Variants in CEMIP observed in about 807,000 individuals in gnomAD.
The protein encoded by CEMIP is cell migration inducing hyaluronidase 1, also known as cell migration-inducing and hyaluronan-binding protein.
In CEMIP, 105 loss-of-function variants were observed where a neutral mutation model predicts 156.9. The observed-to-expected ratio is 0.67, with a 90% CI of 0.57 to 0.79. The LOEUF (loss-of-function observed/expected upper bound fraction) is 0.79. Among genes scored for constraint, CEMIP ranks in the 30% least tolerant of loss-of-function variants. The pLI, the probability that CEMIP is intolerant of heterozygous loss-of-function variation, is 0.00. For synonymous variants in CEMIP, 676 were observed against 668.4 expected, an observed-to-expected ratio of 1.01 and a Z score of -0.17; for missense variants, 1,457 against 1,769.4, an observed-to-expected ratio of 0.82 and a Z score of 3.17.
intron 1 of CEMIP, among the ~76,000 whole-genome samples, chr15:80,825,719 T>A (rs1016561026): frequency 6.6e-6 from 1 of 152,208 alleles, no homozygotes; most frequent in African/African-American, 2.4e-5. Flanking sequence ...TGGATTTGCA[T>A]CTGGCCAGAT....
intron 14 of CEMIP, among the ~76,000 whole-genome samples, chr15:80,911,762 C>T (rs1272807717): frequency 6.6e-6 from 1 of 152,222 alleles, no homozygotes; most frequent in Admixed American, 6.5e-5. Flanking sequence ...GTGCTGAGCC[C>T]AGGTCTTAGC....
At chr15:80,935,087 C>T (rs1901067481) in intron 23 of CEMIP, among the ~76,000 whole-genome samples, 1 of 152,136 alleles carries the variant, frequency 6.6e-6, no homozygotes, top group African/African-American at 2.4e-5. Context: ...TGCTCAAGAG[C>T]CCTGGGAGAG....
At chr15:80,900,638 G>GTGTGTGTCTGTGTGTC (rs1596172807) in intron 12 of CEMIP, among the ~76,000 whole-genome samples, 258 of 101,860 alleles carry the variant, frequency 2.5e-3, no homozygotes, top group Middle Eastern at 5.8e-3. Flanking sequence ...GTGTGTGTGT[G>GTGTGTGTCTGTGTGTC]TGTGTGTGTG....
chr15:80,835,516 G>A (rs1271116449), intron 1 of CEMIP, among the ~76,000 whole-genome samples: 1 of 152,228 alleles, frequency 6.6e-6, no homozygotes, highest in East Asian at 1.9e-4. Context: ...GCCTGCAGGG[G>A]CAGCCAATCT....
At chr15:80,853,815 T>C (rs1596135445) in intron 1 of CEMIP, among the ~76,000 whole-genome samples, 1 of 152,348 alleles carries the variant, frequency 6.6e-6, no homozygotes, top group African/African-American at 2.4e-5. Context: ...GACACTTTTA[T>C]AGATCAAGAC....
chr15:80,921,913 C>A, intron 16 of CEMIP, 96 bp from the exon 17 acceptor site: 8 of 1,533,284 alleles, frequency 5.2e-6, no homozygotes, highest in Non-Finnish European at 7.2e-6. Context: ...GCAGTAGCTA[C>A]TAGACCCATC....
chr15:80,786,822 T>G (rs1895952806), intron 1 of CEMIP, among the ~76,000 whole-genome samples: 1 of 152,212 alleles, frequency 6.6e-6, no homozygotes, highest in Non-Finnish European at 1.5e-5. Flanking sequence ...CAACCTGGTC[T>G]GTTAATCTTG....
intron 7 of CEMIP, among the ~76,000 whole-genome samples, chr15:80,886,323 G>A (rs1373871473): frequency 2.0e-5 from 3 of 152,044 alleles, no homozygotes; most frequent in Non-Finnish European, 2.9e-5. Context: ...GGAGGGGGGC[G>A]GGGGCAAAGG....
At chr15:80,831,077 C>T (rs1897146007) in intron 1 of CEMIP, among the ~76,000 whole-genome samples, 2 of 152,148 alleles carry the variant, frequency 1.3e-5, no homozygotes, top group Admixed American at 6.5e-5. Flanking sequence ...GTTTTGAGAA[C>T]CTTGGTCTAG....
intron 1 of CEMIP, among the ~76,000 whole-genome samples, chr15:80,809,249 C>T (rs1896596237): frequency 6.6e-6 from 1 of 152,080 alleles, no homozygotes; most frequent in Admixed American, 6.6e-5. Context: ...TGGAAACCTC[C>T]CAAATGCCCA....
chr15:80,920,201 T>G lies in CEMIP; in HGVS notation c.1905T>G (p.Ser635=), dbSNP rs894362793. The part of the protein sequence containing the change: ...FDHCLGLLVK[S]GTLLPSDRDS... ...ACTGTCTTGGCCTCCTTGTCAAGTCTGGAACCCTCCTCCCCTCGGACCGTG... is the reference window on the plus strand; with the variant it reads ...ACTGTCTTGGCCTCCTTGTCAAGTCGGGAACCCTCCTCCCCTCGGACCGTG... The change falls in exon 15 of 30, where the codon TCT becomes TCG. Residue 635 remains serine (S), a synonymous_variant. Coordinates refer to ENST00000394685, the MANE Select transcript of CEMIP (RefSeq NM_001293298.2). 5 of 1,614,106 alleles carry G rather than the reference T, an allele frequency of 3.1e-6. No individual in the cohort carries two copies. The African/African-American group carries it at 5.3e-5, about 17-fold the overall frequency.
chr15:80,948,291 A>C, intron 29 of CEMIP: 1 of 220,656 alleles, frequency 4.5e-6, no homozygotes, highest in East Asian at 1.0e-4. Context: ...TTAGAGTTCT[A>C]ATCTGGGGTG....
chr15:80,900,658 GTGTCTGTGTGTGTGTGTGTATTT>G (rs1899482206), intron 12 of CEMIP, among the ~76,000 whole-genome samples: 6 of 139,562 alleles, frequency 4.3e-5, no homozygotes, highest in African/African-American at 1.6e-4. Flanking sequence ...GTCTGTGTGT[GTGTCTGTGTGTGTGTGTGTATTT>G]TGTGTGTGTA....
intron 5 of CEMIP, among the ~76,000 whole-genome samples, chr15:80,880,159 G>A (rs1402401149): frequency 1.3e-5 from 2 of 152,296 alleles, no homozygotes; most frequent in South Asian, 2.1e-4. Context: ...AATAGGCTAC[G>A]ATGGACAAGA....
chr15:80,845,430 C>T (rs753156446), intron 1 of CEMIP, among the ~76,000 whole-genome samples: 1 of 151,882 alleles, frequency 6.6e-6, no homozygotes, highest in Non-Finnish European at 1.5e-5. Context: ...GACCCTATTT[C>T]AAAAAAAGTA....
intron 3 of CEMIP, among the ~76,000 whole-genome samples, chr15:80,876,986 G>A (rs1898499147): frequency 6.6e-6 from 1 of 152,188 alleles, no homozygotes; most frequent in Non-Finnish European, 1.5e-5. Flanking sequence ...TGACTGGGGA[G>A]GCCTCACAAT....
chr15:80,922,153 C>A lies in CEMIP; in HGVS notation c.2202+16C>A. 2 of 1,613,892 alleles carry A rather than the reference C, an allele frequency of 1.2e-6. No individual in the cohort carries two copies. Among genetic ancestry groups the A allele is most frequent in the Non-Finnish European group, 8.5e-7 (1 of 1,179,820 alleles). On this transcript the variant is annotated intron_variant, in intron 17 of 29. Transcript: ENST00000394685. The stretch of plus-strand genomic sequence containing the variant: ...CAACTACCGGGTAAGTCTTTCCAGG[C>A]TGCGCCTCTCTGGCCAGCCTCTCGG...
chr15:80,809,466 AGT>A (rs1427014443), intron 1 of CEMIP, among the ~76,000 whole-genome samples: 1 of 152,250 alleles, frequency 6.6e-6, no homozygotes, highest in Non-Finnish European at 1.5e-5. Context: ...GTTTCTATAA[AGT>A]GTGAATTTCC....
chr15:80,868,990 A>C (rs1898202388), intron 1 of CEMIP, among the ~76,000 whole-genome samples: 1 of 152,188 alleles, frequency 6.6e-6, no homozygotes, highest in Non-Finnish European at 1.5e-5. Flanking sequence ...TCAACAACAG[A>C]AATGTATTTA....
Sources: allele counts gnomAD v4.1 joint callset (sites outside exome capture counted in the v4.1 genomes callset), GRCh38; gene constraint gnomAD v4.1.1; transcripts MANE v1.5; gene names NCBI Gene and HGNC (gene_info 2026-07-23, HGNC 2026-07-21).